Variants in PHACTR2 observed in about 807,000 individuals in gnomAD.
The protein encoded by PHACTR2 is phosphatase and actin regulator 2.
A neutral mutation model predicts 76.0 loss-of-function variants in PHACTR2; 30 were observed. The observed-to-expected ratio is 0.39, with a 90% CI of 0.30 to 0.54. The LOEUF is 0.54. Ranked by LOEUF, PHACTR2 falls within the 20% of genes least tolerant of loss-of-function variation. The probability of loss-of-function intolerance (pLI) is 0.61; values close to 1 mark genes in which losing one functional copy is unlikely to be tolerated. For synonymous variants in PHACTR2, 292 were observed against 292.5 expected (o/e 1.00, Z 0.02); for missense variants, 696 against 781.1 (o/e 0.89, Z 1.30).
chr6:143,692,859 A>G (rs1777677456), intron 1 of PHACTR2, among the ~76,000 whole-genome samples: 1 of 152,218 alleles, frequency 6.6e-6, no homozygotes, highest in Non-Finnish European at 1.5e-5. Flanking sequence ...GTAACACCAT[A>G]CCACAGACTG....
At chr6:143,677,912 T>G, upstream of PHACTR2, 60 of 92,808 alleles carry the variant, frequency 6.5e-4, no homozygotes, top group Non-Finnish European at 8.2e-4. Flanking sequence ...CTCACCCCCC[T>G]TCTTCCCCCG....
chr6:143,598,671 T>G lies in PHACTR2; in HGVS notation c.217+61464T>G, dbSNP rs1775779303. Among the ~76,000 whole-genome samples the G allele has an allele frequency of 6.6e-6, 1 of 152,328 alleles. No homozygotes were observed. Among genetic ancestry groups the G allele is most frequent in the South Asian group, 2.1e-4 (1 of 4,832 alleles). Reference sequence around the variant, plus strand: ...TTCCCCTTCCTGGCCTATGTCCCTGTGGATATGTTAGAACCTGGTTAACCT... The same window carrying G: ...TTCCCCTTCCTGGCCTATGTCCCTGGGGATATGTTAGAACCTGGTTAACCT... On this transcript the variant is annotated intron_variant, in intron 1 of 11. Coordinates refer to the PHACTR2 transcript ENST00000367584. The surrounding 1 kb of genome is among the most constrained non-coding windows in gnomAD (Gnocchi z 4.1).
chr6:143,661,637 C>A (rs1776947891), intron 1 of PHACTR2, among the ~76,000 whole-genome samples: 1 of 150,972 alleles, frequency 6.6e-6, no homozygotes, highest in South Asian at 2.1e-4. Flanking sequence ...CGGCTCACTA[C>A]AACCTCCTAT....
intron 1 of PHACTR2, among the ~76,000 whole-genome samples, chr6:143,661,531 G>A (rs1034590130): frequency 1.6e-4 from 24 of 148,966 alleles, no homozygotes; most frequent in African/African-American, 5.9e-4. Context: ...GTTTCTTATC[G>A]TATATTTGGC....
At chr6:143,563,259 G>A (rs76662980) in intron 1 of PHACTR2, among the ~76,000 whole-genome samples, 175 of 152,190 alleles carry the variant, frequency 1.1e-3, no homozygotes, top group African/African-American at 4.0e-3. Context: ...TGTGAGACAG[G>A]GCACTATAGG....
rs1241483909 is a variant in PHACTR2 at position 143,696,649 on chromosome 6, T to A, written c.47-15367T>A. Among the ~76,000 whole-genome samples the A allele has an allele frequency of 6.6e-6, 1 of 152,234 alleles. No homozygotes were observed. Among genetic ancestry groups the A allele is most frequent in the African/African-American group, 2.4e-5 (1 of 41,458 alleles). On this transcript the variant is annotated intron_variant, in intron 1 of 12. Transcript: ENST00000440869. This position sits in a 1 kb window ranked among gnomAD's most constrained non-coding sequence, Gnocchi z 4.1. ...TTTCTGGCACTGGAAGCCCATGTTTTTCCTTTGCAGTACTCACAGGTCTGT... is the reference window on the plus strand; with the variant it reads ...TTTCTGGCACTGGAAGCCCATGTTTATCCTTTGCAGTACTCACAGGTCTGT...
upstream of PHACTR2, among the ~76,000 whole-genome samples, chr6:143,676,005 G>T (rs1481184741): frequency 6.6e-6 from 1 of 152,132 alleles, no homozygotes; most frequent in Non-Finnish European, 1.5e-5. This position sits in a 1 kb window ranked among gnomAD's most constrained non-coding sequence, Gnocchi z 4.8. Flanking sequence ...TGATAAAAAG[G>T]CCACTTAAAT....
chr6:143,619,136 A>G lies in PHACTR2; in HGVS notation c.13+10814A>G, dbSNP rs548815162. 6.0e-5 allele frequency among the ~76,000 whole-genome samples: 9 copies of G among 150,506 alleles called. No homozygotes were observed. Among genetic ancestry groups the G allele is most frequent in the Admixed American group, 2.0e-4 (3 of 14,992 alleles). On this transcript the variant is annotated intron_variant, in intron 1 of 11. Coordinates refer to the PHACTR2 transcript ENST00000305766. The surrounding 1 kb of genome is among the most constrained non-coding windows in gnomAD (Gnocchi z 4.5). ...GGAGCCCATTAGAATCACTTGTGCA[A>G]TTAAAATCTTCCTGCCTGTCTGTCT...
chr6:143,803,364 A>G lies in PHACTR2; in HGVS notation c.1846-3693A>G, dbSNP rs1776003644. ...GGAGTTTGAGACCAGCCTGGCCAACATTGCGAAATCCATCTCCACAAAAGA... is the reference window on the plus strand; with the variant it reads ...GGAGTTTGAGACCAGCCTGGCCAACGTTGCGAAATCCATCTCCACAAAAGA... On this transcript the variant is annotated intron_variant, in intron 11 of 12. Coordinates refer to ENST00000440869, the MANE Select transcript of PHACTR2 (RefSeq NM_001100164.2). The surrounding 1 kb of genome is among the most constrained non-coding windows in gnomAD (Gnocchi z 4.7). Among the ~76,000 whole-genome samples, 1 of 152,158 alleles carries G rather than the reference A, an allele frequency of 6.6e-6. No homozygotes were observed. Among genetic ancestry groups the G allele is most frequent in the Admixed American group, 6.5e-5 (1 of 15,268 alleles).
At position 143,710,965 on chromosome 6, in the gene PHACTR2, T is replaced by G. The variant is rs376741527; in HGVS notation, c.47-1051T>G. ...AGTTATTATTTTTGACGGACATCAG[T>G]ACACTTCACCTCTAAACACTTCAGC... On this transcript the variant is annotated intron_variant, in intron 1 of 12. Coordinates refer to ENST00000440869, the MANE Select transcript of PHACTR2 (RefSeq NM_001100164.2). This position sits in a 1 kb window ranked among gnomAD's most constrained non-coding sequence, Gnocchi z 4.9. 11 of 496,578 alleles carry G rather than the reference T, an allele frequency of 2.2e-5. No homozygotes were observed. The highest frequency in any genetic ancestry group is 1.7e-4 in the East Asian group (3 of 18,142). 30.8% of individuals were successfully genotyped at this position (496,578 alleles called of 1,614,324 possible).
At chr6:143,805,905 T>A (rs1035010446) in intron 11 of PHACTR2, among the ~76,000 whole-genome samples, 20 of 152,186 alleles carry the variant, frequency 1.3e-4, no homozygotes, top group African/African-American at 4.8e-4. Flanking sequence ...GAGACAGGCC[T>A]CAGGGCTTTT....
In PHACTR2 at chr6:143,581,179, AC is replaced by A. The variant is rs1240178539; in HGVS notation, c.217+43975del. The stretch of plus-strand genomic sequence containing the variant: ...GCTTGGCTCAATATTCTAGAACTTT[AC>A]CCTTGTTCTCAAGTCTCCGTGTGGA... On this transcript the variant is annotated intron_variant, in intron 1 of 11. Coordinates refer to the PHACTR2 transcript ENST00000367584. This position sits in a 1 kb window ranked among gnomAD's most constrained non-coding sequence, Gnocchi z 4.5. Among the ~76,000 whole-genome samples the A allele has an allele frequency of 2.6e-5, 4 of 152,166 alleles. No homozygotes were observed. Among genetic ancestry groups the A allele is most frequent in the Non-Finnish European group, 5.9e-5 (4 of 68,024 alleles).
Position 143,652,807 on chromosome 6 carries a change from CAT to C in PHACTR2, c.13+44486_13+44487del, listed in dbSNP as rs1582738427. Among the ~76,000 whole-genome samples the C allele has an allele frequency of 6.6e-6, 1 of 152,170 alleles. No homozygotes were observed. The highest frequency in any genetic ancestry group is 1.5e-5 in the Non-Finnish European group (1 of 68,040). ...TCACACCTGGACCGCCTGCTCTGGT[CAT>C]GTGTGTGTGTGATCTATAATAGGGT... On this transcript the variant is annotated intron_variant, in intron 1 of 11. Transcript: ENST00000305766. The surrounding 1 kb of genome is among the most constrained non-coding windows in gnomAD (Gnocchi z 4.5).
upstream of PHACTR2, among the ~76,000 whole-genome samples, chr6:143,676,029 A>T (rs749912979): frequency 5.3e-5 from 8 of 152,240 alleles, no homozygotes; most frequent in Admixed American, 1.3e-4. This position sits in a 1 kb window ranked among gnomAD's most constrained non-coding sequence, Gnocchi z 4.8. Context: ...AAGTTCCATC[A>T]GAAGCTCTAG....
At chr6:143,736,545 C>T (rs1330400091) in intron 2 of PHACTR2, among the ~76,000 whole-genome samples, 1 of 143,044 alleles carries the variant, frequency 7.0e-6, no homozygotes, top group Non-Finnish European at 1.5e-5. Flanking sequence ...TTATGCCAAA[C>T]CCTTTACAAT....
Position 143,627,271 on chromosome 6 carries a change from C to G in PHACTR2, c.13+18949C>G, listed in dbSNP as rs1478564255. Among the ~76,000 whole-genome samples the G allele has an allele frequency of 6.6e-6, 1 of 152,132 alleles. No homozygotes were observed. Among genetic ancestry groups the G allele is most frequent in the Non-Finnish European group, 1.5e-5 (1 of 68,036 alleles). ...GAAATGTGAGTCTCTAACTTTGTAG[C>G]TAAACATTATTATTTTCAAAACTAA... On this transcript the variant is annotated intron_variant, in intron 1 of 11. Transcript: ENST00000305766. The surrounding 1 kb of genome is among the most constrained non-coding windows in gnomAD (Gnocchi z 4.3).
At chr6:143,600,182 T>C (rs951364767) in intron 1 of PHACTR2, among the ~76,000 whole-genome samples, 2 of 152,230 alleles carry the variant, frequency 1.3e-5, no homozygotes, top group African/African-American at 4.8e-5. Context: ...ACCCATCATA[T>C]TTCCAACTAA....
intron 1 of PHACTR2, among the ~76,000 whole-genome samples, chr6:143,693,435 G>A (rs920850523): frequency 5.3e-5 from 8 of 151,936 alleles, no homozygotes; most frequent in East Asian, 1.9e-4. Context: ...ACGGGGTTTC[G>A]CCCTGTTGGC....
chr6:143,616,491 C>T lies in PHACTR2; in HGVS notation c.13+8169C>T, dbSNP rs972557557. ...AAAAGCATTTGTACCTTCATTCTTG[C>T]TGTTCTTCCCACCTAGAACGCCTTC... is the stretch of plus-strand genomic sequence containing the variant. On this transcript the variant is annotated intron_variant, in intron 1 of 11. Coordinates refer to the PHACTR2 transcript ENST00000305766. The surrounding 1 kb of genome is among the most constrained non-coding windows in gnomAD (Gnocchi z 4.9). Among the ~76,000 whole-genome samples, 1 of 152,168 alleles carries T rather than the reference C, an allele frequency of 6.6e-6. No individual in the cohort carries two copies. The highest frequency in any genetic ancestry group is 1.5e-5 in the Non-Finnish European group (1 of 68,030).
Sources: gnomAD v4.1 joint callset for allele counts (sites outside exome capture counted in the v4.1 genomes callset) on GRCh38, gnomAD v4.1.1 for gene constraint, Gnocchi (gnomAD v3.1) non-coding constraint, MANE v1.5 for transcripts, NCBI Gene and HGNC (gene_info 2026-07-23, HGNC 2026-07-21) for gene names.